DNER: variants seen among roughly 807,000 people sequenced by gnomAD.
DNER encodes delta and Notch-like epidermal growth factor-related receptor.
DNER carries 33 observed loss-of-function variants against 78.2 expected under a neutral mutation model. The ratio of observed to expected loss-of-function variants is 0.42; its 90% CI spans 0.32 to 0.56. The LOEUF (loss-of-function observed/expected upper bound fraction) is 0.56, where lower values mean the gene tolerates loss of function less well. Among genes scored for constraint, DNER ranks in the 20% least tolerant of loss-of-function variants. DNER has a pLI of 0.11. For missense variants in DNER, 918 were observed against 975.3 expected (o/e 0.94, Z 0.78); for synonymous variants, 417 against 384.8 (o/e 1.08, Z -0.98).
chr2:229,597,258 T>G (rs1251932799), intron 1 of DNER, among the ~76,000 whole-genome samples: 2 of 152,262 alleles, frequency 1.3e-5, no homozygotes, highest in Admixed American at 1.3e-4. Context: ...TCTGCCATTA[T>G]TTTCTCTAAC....
rs775638816 is a variant in DNER at position 229,475,155 on chromosome 2, C to A, written c.1261+1985G>T. ...TTACACTGATCCCAGGACATAGACA[C>A]AATCATCACCCCATTTTACAGATTA... On this transcript the variant is annotated intron_variant, in intron 7 of 12. Transcript: ENST00000341772. 3.9e-5 allele frequency among the ~76,000 whole-genome samples: 6 copies of A among 152,226 alleles called. No individual in the cohort carries two copies. In the South Asian group the frequency reaches 1.0e-3, roughly 26 times the overall value.
intron 5 of DNER, among the ~76,000 whole-genome samples, chr2:229,530,597 C>G (rs1190031713): frequency 2.6e-5 from 4 of 152,250 alleles, no homozygotes; most frequent in Admixed American, 2.6e-4. Context: ...CTGTAGCAAC[C>G]TTGCTGGGTT....
At chr2:229,510,917 A>G (rs149475297) in intron 6 of DNER, among the ~76,000 whole-genome samples, 30 of 152,356 alleles carry the variant, frequency 2.0e-4, no homozygotes, top group East Asian at 5.8e-4. Flanking sequence ...AACAATATGT[A>G]TCATATCACT....
chr2:229,411,767 A>C (rs1693526477), intron 9 of DNER, among the ~76,000 whole-genome samples: 1 of 152,194 alleles, frequency 6.6e-6, no homozygotes, highest in South Asian at 2.1e-4. Flanking sequence ...AGCCATTTAA[A>C]ATAAAACTAG....
At chr2:229,577,609 T>G (rs774502994) in intron 4 of DNER, among the ~76,000 whole-genome samples, 14 of 151,888 alleles carry the variant, frequency 9.2e-5, no homozygotes, top group Non-Finnish European at 2.1e-4. Flanking sequence ...CACTCCAGCA[T>G]GGGCAACAAA....
chr2:229,540,321 G>A (rs955382431), intron 5 of DNER, among the ~76,000 whole-genome samples: 1 of 152,104 alleles, frequency 6.6e-6, no homozygotes, highest in Non-Finnish European at 1.5e-5. Flanking sequence ...GGGGTGCAGG[G>A]GTTGTGAGAG....
rs1559153775 is a variant in DNER, at chr2:229,512,945, C to T, written c.994-9G>A. The T allele has an allele frequency of 6.2e-7, 1 of 1,608,090 alleles. No homozygotes were observed. Among genetic ancestry groups the T allele is most frequent in the African/African-American group, 1.3e-5 (1 of 74,486 alleles). On this transcript the variant is annotated splice_polypyrimidine_tract_variant and intron_variant, in intron 5 of 12. Coordinates refer to ENST00000341772, the MANE Select transcript of DNER (RefSeq NM_139072.4). ...GTACAGGAAAAAGTTGCCTAAAACA[C>T]AAAAAAAGCACAGTGTCTATTACCT...
intron 1 of DNER, among the ~76,000 whole-genome samples, chr2:229,695,295 T>A (rs150411528): frequency 2.6e-5 from 4 of 152,168 alleles, no homozygotes; most frequent in Admixed American, 2.0e-4. Flanking sequence ...GTAGGGGAAA[T>A]GCCTCCTCCA....
chr2:229,473,978 T>G (rs1002737840), intron 7 of DNER, among the ~76,000 whole-genome samples: 1 of 152,158 alleles, frequency 6.6e-6, no homozygotes, highest in Admixed American at 6.5e-5. Flanking sequence ...CAATCTCGGT[T>G]CACTGCAACT....
chr2:229,374,123 G>A (rs979624787), intron 11 of DNER, among the ~76,000 whole-genome samples: 1 of 152,044 alleles, frequency 6.6e-6, no homozygotes, highest in Admixed American at 6.6e-5. Context: ...AGCTGAGATC[G>A]CACCAGTGAA....
chr2:229,557,262 A>G (rs1696869836), intron 4 of DNER, among the ~76,000 whole-genome samples: 1 of 152,180 alleles, frequency 6.6e-6, no homozygotes, highest in South Asian at 2.1e-4. Context: ...CTTCCAACAT[A>G]CTTTATAAGA....
intron 7 of DNER, among the ~76,000 whole-genome samples, chr2:229,475,509 T>C (rs370742969): frequency 3.6e-4 from 55 of 152,244 alleles, no homozygotes; most frequent in African/African-American, 1.3e-3. Flanking sequence ...CACCTATTCC[T>C]GCATGTAATT....
chr2:229,456,783 T>C (rs1017309854), intron 7 of DNER, among the ~76,000 whole-genome samples: 2 of 152,186 alleles, frequency 1.3e-5, no homozygotes, highest in African/African-American at 2.4e-5. Context: ...GAGTTTTTCC[T>C]AAGTTTGGTG....
chr2:229,538,544 T>C (rs1033020577), intron 5 of DNER, among the ~76,000 whole-genome samples: 6 of 144,036 alleles, frequency 4.2e-5, no homozygotes, highest in Non-Finnish European at 8.9e-5. Context: ...TTGTTTTTTG[T>C]TTTTTTTTAA....
intron 4 of DNER, among the ~76,000 whole-genome samples, chr2:229,549,847 G>A (rs1174423920): frequency 6.6e-6 from 1 of 151,746 alleles, no homozygotes; most frequent in Admixed American, 6.6e-5. Flanking sequence ...GGAGGCAGAG[G>A]TTGCAGTGAG....
intron 1 of DNER, among the ~76,000 whole-genome samples, chr2:229,631,526 A>G (rs1308116656): frequency 6.6e-6 from 1 of 152,208 alleles, no homozygotes; most frequent in Non-Finnish European, 1.5e-5. Flanking sequence ...GATCAGAAGA[A>G]AGAAAATGGA....
intron 1 of DNER, among the ~76,000 whole-genome samples, chr2:229,684,101 A>AGTGTGTGT (rs377602119): frequency 0.014 from 1,846 of 129,964 alleles, 30 homozygotes; most frequent in Non-Finnish European, 0.021. Flanking sequence ...TACCTACCAG[A>AGTGTGTGT]GTGTGTGTGT....
rs558964176 is a variant in DNER at position 229,513,086 on chromosome 2, G to A, written c.994-150C>T. On this transcript the variant is annotated intron_variant, in intron 5 of 12. Coordinates refer to ENST00000341772, the MANE Select transcript of DNER (RefSeq NM_139072.4). Reference sequence around the variant, plus strand: ...ATGTCATAATCTAGTTGAAATCATCGCTTTAAGACAAACAGTAGTTTCTTT... The same window carrying A: ...ATGTCATAATCTAGTTGAAATCATCACTTTAAGACAAACAGTAGTTTCTTT... 8.5e-5 allele frequency: 76 copies of A among 898,030 alleles called. No homozygotes were observed. The Middle Eastern group carries it at 1.5e-3, about 17-fold the overall frequency. 55.6% of individuals were successfully genotyped at this position (898,030 alleles called of 1,614,324 possible). A position where few individuals can be genotyped will look rare whatever the true frequency, so the allele number is the denominator to read the frequency against.
chr2:229,590,379 T>C (rs1377211117), intron 2 of DNER, among the ~76,000 whole-genome samples: 1 of 152,242 alleles, frequency 6.6e-6, no homozygotes, highest in Non-Finnish European at 1.5e-5. Context: ...TCTAAAAATA[T>C]GTCAAAATCA....
Sources: allele counts gnomAD v4.1 joint callset (sites outside exome capture counted in the v4.1 genomes callset), GRCh38; gene constraint gnomAD v4.1.1; transcripts MANE v1.5; gene names NCBI Gene and HGNC (gene_info 2026-07-23, HGNC 2026-07-21).